Variants in CCDC91 observed in about 807,000 individuals in gnomAD.
CCDC91 encodes coiled-coil domain containing 91.
A neutral mutation model predicts 63.2 loss-of-function variants in CCDC91; 48 were observed. The ratio of observed to expected loss-of-function variants is 0.76; its 90% confidence interval spans 0.60 to 0.97. The LOEUF is 0.97. Ranked by LOEUF, CCDC91 falls within the 50% of genes least tolerant of loss-of-function variation. The pLI is 0.00. For missense variants in CCDC91, 500 were observed against 494.6 expected (o/e 1.01, Z -0.10); for synonymous variants, 167 against 165.8 (o/e 1.01, Z -0.06).
At chr12:28,425,180 C>T (rs1416816331) in intron 8 of CCDC91, among the ~76,000 whole-genome samples, 1 of 152,158 alleles carries the variant, frequency 6.6e-6, no homozygotes, top group African/African-American at 2.4e-5. Context: ...ATTTGCCGTC[C>T]AAGTACTCTG....
intron 3 of CCDC91, among the ~76,000 whole-genome samples, chr12:28,291,753 C>T (rs1410755238): frequency 1.3e-5 from 2 of 152,114 alleles, no homozygotes. Flanking sequence ...TTGATTTTCG[C>T]TCAGCTCATG....
chr12:28,281,177 A>C (rs1490671854), intron 3 of CCDC91, among the ~76,000 whole-genome samples: 9 of 152,162 alleles, frequency 5.9e-5, no homozygotes, highest in Non-Finnish European at 1.0e-4. Context: ...TTTATTCATT[A>C]AGCAATTTTA....
At position 28,363,002 on chromosome 12, in the gene CCDC91, C is replaced by T. The variant is rs907338787; in HGVS notation, c.654+487C>T. Among the ~76,000 whole-genome samples the T allele has an allele frequency of 4.6e-5, 7 of 152,106 alleles. No homozygotes were observed. In the South Asian group the frequency reaches 8.3e-4, roughly 18 times the overall value. On this transcript the variant is annotated intron_variant, in intron 7 of 12. Coordinates refer to ENST00000536442, the MANE Select transcript of CCDC91 (RefSeq NM_018318.5). The stretch of plus-strand genomic sequence containing the variant: ...ATTTAAAATTATTTTAAAAATTATT[C>T]AATTCTGTGCCTGCATAAGCTGAAA...
At chr12:28,347,679 A>G (rs1472171396) in intron 6 of CCDC91, among the ~76,000 whole-genome samples, 2 of 152,192 alleles carry the variant, frequency 1.3e-5, no homozygotes, top group African/African-American at 4.8e-5. Context: ...AAACATACTG[A>G]CAATTCCTTG....
At chr12:28,324,399 T>C (rs1317938071) in intron 6 of CCDC91, among the ~76,000 whole-genome samples, 5 of 151,910 alleles carry the variant, frequency 3.3e-5, no homozygotes, top group Non-Finnish European at 7.4e-5. Flanking sequence ...AAATAACCTT[T>C]ATGTGCATTA....
At chr12:28,291,706 G>C (rs1178614742) in intron 3 of CCDC91, among the ~76,000 whole-genome samples, 2 of 152,168 alleles carry the variant, frequency 1.3e-5, no homozygotes, top group African/African-American at 4.8e-5. Context: ...TTGTTGCATA[G>C]AATAAGAGAA....
chr12:28,217,801 G>A (rs1218026639), intron 1 of CCDC91, among the ~76,000 whole-genome samples: 1 of 152,000 alleles, frequency 6.6e-6, no homozygotes, highest in East Asian at 1.9e-4. Context: ...GTGGTGGTAT[G>A]CTCTTATTTT....
chr12:28,533,658 T>C (rs1488954874), intron 12 of CCDC91, among the ~76,000 whole-genome samples: 2 of 152,122 alleles, frequency 1.3e-5, no homozygotes, highest in South Asian at 2.1e-4. Flanking sequence ...GTAGTTCTCT[T>C]TATAAGTCAA....
In CCDC91 at chr12:28,199,475, G is replaced by A. The variant is rs185534133; in HGVS notation, c.-15+8834G>A. Among the ~76,000 whole-genome samples, 155 of 152,204 alleles carry A rather than the reference G, an allele frequency of 1.0e-3. 1 individual carries two copies. Among genetic ancestry groups the A allele is most frequent in the African/African-American group, 3.6e-3 (151 of 41,546 alleles). The stretch of plus-strand genomic sequence containing the variant: ...CTTTTCAATCACATAGGAGAAAAGA[G>A]CCACAACCAAACATACATTTATATT... On this transcript the variant is annotated intron_variant, in intron 1 of 12. Transcript: ENST00000536442.
At chr12:28,240,896 G>T (rs1210324562) in intron 1 of CCDC91, among the ~76,000 whole-genome samples, 1 of 152,088 alleles carries the variant, frequency 6.6e-6, no homozygotes, top group African/African-American at 2.4e-5. Flanking sequence ...GAGTACAATT[G>T]CTTGCCCTTA....
intron 7 of CCDC91, among the ~76,000 whole-genome samples, chr12:28,377,419 T>C (rs1437588176): frequency 1.3e-5 from 2 of 151,762 alleles, no homozygotes; most frequent in Non-Finnish European, 2.9e-5. Flanking sequence ...AGTAGAAAAA[T>C]AGCCTGAAAA....
chr12:28,216,583 A>G (rs1415539305), intron 1 of CCDC91, among the ~76,000 whole-genome samples: 1 of 151,968 alleles, frequency 6.6e-6, no homozygotes, highest in Admixed American at 6.6e-5. Flanking sequence ...TTTTGTATGT[A>G]GAGAAGTTGG....
chr12:28,203,186 A>G (rs943923628), intron 1 of CCDC91, among the ~76,000 whole-genome samples: 12 of 152,202 alleles, frequency 7.9e-5, no homozygotes, highest in African/African-American at 2.7e-4. Context: ...AAAATGCCAT[A>G]AAACTTGCTT....
intron 1 of CCDC91, among the ~76,000 whole-genome samples, chr12:28,204,016 G>A (rs1942661677): frequency 6.6e-6 from 1 of 152,116 alleles, no homozygotes; most frequent in Non-Finnish European, 1.5e-5. Context: ...TTGTGAAAAT[G>A]TCTAGACATG....
intron 12 of CCDC91, among the ~76,000 whole-genome samples, chr12:28,512,932 T>C (rs1296275854): frequency 6.6e-6 from 1 of 151,844 alleles, no homozygotes; most frequent in East Asian, 1.9e-4. Flanking sequence ...ATATGGCCTT[T>C]CCTCCCTCAT....
intron 11 of CCDC91, among the ~76,000 whole-genome samples, chr12:28,460,809 G>GTA (rs1950269610): frequency 6.6e-6 from 1 of 151,966 alleles, no homozygotes; most frequent in African/African-American, 2.4e-5. Flanking sequence ...GTGTGTGTGT[G>GTA]TGTATATATA....
At chr12:28,392,156 T>C (rs2139316483) in intron 8 of CCDC91, among the ~76,000 whole-genome samples, 1 of 152,258 alleles carries the variant, frequency 6.6e-6, no homozygotes, top group East Asian at 1.9e-4. Context: ...TTTTAATAAG[T>C]GGCTTGGAAG....
chr12:28,412,849 C>T (rs776576173), intron 8 of CCDC91: 1 of 445,618 alleles, frequency 2.2e-6, no homozygotes, highest in Non-Finnish European at 4.5e-6. Flanking sequence ...TTTTACAATC[C>T]TCTTGTAAGA....
At chr12:28,231,969 C>T (rs1944629070) in intron 1 of CCDC91, among the ~76,000 whole-genome samples, 1 of 152,072 alleles carries the variant, frequency 6.6e-6, no homozygotes, top group South Asian at 2.1e-4. Context: ...TTTTCTGTCG[C>T]TTCATAATTC....
Sources: allele counts gnomAD v4.1 joint callset (sites outside exome capture counted in the v4.1 genomes callset), GRCh38; gene constraint gnomAD v4.1.1; transcripts MANE v1.5; gene names NCBI Gene and HGNC (gene_info 2026-07-23, HGNC 2026-07-21).